Variants in FBXW7 observed in about 807,000 individuals in gnomAD.
FBXW7 encodes F-box/WD repeat-containing protein 7.
A neutral mutation model predicts 86.3 loss-of-function variants in FBXW7; 11 were observed. That is an observed-to-expected ratio of 0.13 (90% CI 0.08 to 0.21). The LOEUF (loss-of-function observed/expected upper bound fraction) is 0.21, where lower values mean the gene tolerates loss of function less well. FBXW7 is among the 10% of genes least tolerant of loss of function. The pLI, the probability that FBXW7 is intolerant of heterozygous loss-of-function variation, is 1.00. For missense variants in FBXW7, 488 were observed against 847.4 expected (o/e 0.58, Z 5.27); for synonymous variants, 313 against 297.9 (o/e 1.05, Z -0.52).
chr4:152,475,433 T>G (rs1398181187), intron 2 of FBXW7, among the ~76,000 whole-genome samples: 1 of 151,900 alleles, frequency 6.6e-6, no homozygotes, highest in African/African-American at 2.4e-5. Context: ...TCTCTAAACA[T>G]AACACTAATA....
chr4:152,410,119 C>T (rs746343688), intron 4 of FBXW7, among the ~76,000 whole-genome samples: 23 of 152,134 alleles, frequency 1.5e-4, no homozygotes, highest in Non-Finnish European at 2.9e-4. Context: ...TCAGCAATAA[C>T]TCTGCATTGT....
chr4:152,374,194 C>A (rs966459894), intron 4 of FBXW7, among the ~76,000 whole-genome samples: 1 of 151,906 alleles, frequency 6.6e-6, no homozygotes, highest in East Asian at 1.9e-4. Flanking sequence ...AAAACAGGTA[C>A]CCTATTAAAT....
chr4:152,535,829 C>G lies in FBXW7; in HGVS notation c.-915G>C. 1 of 392,478 alleles carries G rather than the reference C, an allele frequency of 2.5e-6. No individual in the cohort carries two copies. Among genetic ancestry groups the G allele is most frequent in the East Asian group, 3.6e-5 (1 of 27,540 alleles). The allele number at this position is 392,478 out of a possible 1,614,324, so 24.3% of individuals were successfully genotyped here. A position where few individuals can be genotyped will look rare whatever the true frequency, so the allele number is the denominator to read the frequency against. On this transcript the variant is annotated 5_prime_UTR_variant, in exon 1 of 14. Transcript: ENST00000281708. Reference sequence around the variant, plus strand: ...CCGGCTCCGGCTCAGGCTCGGGCTCCGGCTCTGGCTCCGGCTCCGGCGTGT... The same window carrying G: ...CCGGCTCCGGCTCAGGCTCGGGCTCGGGCTCTGGCTCCGGCTCCGGCGTGT...
intron 2 of FBXW7, among the ~76,000 whole-genome samples, chr4:152,458,097 G>T (rs983482414): frequency 3.9e-5 from 6 of 152,114 alleles, no homozygotes; most frequent in African/African-American, 1.4e-4. Context: ...TCAGCTCACT[G>T]CAACCTCTGC....
chr4:152,493,292 G>A (rs1168076375), intron 2 of FBXW7, among the ~76,000 whole-genome samples: 1 of 151,892 alleles, frequency 6.6e-6, no homozygotes, highest in African/African-American at 2.4e-5. Context: ...AGCCTCCCGA[G>A]TAGCTGCGAT....
At chr4:152,513,179 G>A (rs1057343715) in intron 2 of FBXW7, among the ~76,000 whole-genome samples, 3 of 152,086 alleles carry the variant, frequency 2.0e-5, no homozygotes, top group South Asian at 2.1e-4. Context: ...ATTTAATAGC[G>A]TGAATTTTCT....
intron 2 of FBXW7, among the ~76,000 whole-genome samples, chr4:152,530,068 A>T (rs866742478): frequency 2.7e-5 from 3 of 112,766 alleles, no homozygotes; most frequent in Non-Finnish European, 5.5e-5. Context: ...AAAAAAAAAA[A>T]ATACACACAC....
chr4:152,387,059 C>CA (rs1735587003), intron 4 of FBXW7, among the ~76,000 whole-genome samples: 1 of 152,154 alleles, frequency 6.6e-6, no homozygotes, highest in South Asian at 2.1e-4. Flanking sequence ...AAAGATTTTC[C>CA]ATTTTTCATA....
At chr4:152,352,636 G>A (rs779876264) in intron 4 of FBXW7, 9 of 1,613,644 alleles carry the variant, frequency 5.6e-6, no homozygotes, top group Admixed American at 1.7e-5. Flanking sequence ...GCTCAGGCAC[G>A]TCAGAAAAGG....
chr4:152,352,446 A>C, intron 4 of FBXW7: 4 of 1,613,578 alleles, frequency 2.5e-6, no homozygotes, highest in Non-Finnish European at 3.4e-6. Flanking sequence ...ATCACATAGC[A>C]TAGGAAGAAA....
intron 2 of FBXW7, among the ~76,000 whole-genome samples, chr4:152,459,308 T>C (rs1425807836): frequency 1.3e-5 from 2 of 152,222 alleles, no homozygotes; most frequent in Non-Finnish European, 2.9e-5. Flanking sequence ...GCTAATTCAA[T>C]AAAACAGAGT....
chr4:152,461,190 T>C (rs1323464263), intron 2 of FBXW7, among the ~76,000 whole-genome samples: 3 of 151,864 alleles, frequency 2.0e-5, no homozygotes, highest in African/African-American at 4.8e-5. Context: ...GAGGCGGAGG[T>C]TGTGGTGAGC....
At chr4:152,429,221 AC>A (rs1258942471) in intron 2 of FBXW7, among the ~76,000 whole-genome samples, 1 of 152,182 alleles carries the variant, frequency 6.6e-6, no homozygotes, top group East Asian at 1.9e-4. Context: ...GAAAGCAAGA[AC>A]AATCAAACTG....
At chr4:152,501,410 A>G (rs1024426071) in intron 2 of FBXW7, among the ~76,000 whole-genome samples, 7 of 152,228 alleles carry the variant, frequency 4.6e-5, no homozygotes, top group African/African-American at 1.4e-4. Context: ...CAGCAATAAC[A>G]TTCATTTACT....
intron 4 of FBXW7, among the ~76,000 whole-genome samples, chr4:152,362,849 A>AAC (rs1733114882): frequency 6.7e-6 from 1 of 150,358 alleles, no homozygotes; most frequent in Non-Finnish European, 1.5e-5. Flanking sequence ...AAAAAAAAAA[A>AAC]CAACAAGAAC....
chr4:152,425,002 G>A (rs551222964), intron 2 of FBXW7, among the ~76,000 whole-genome samples: 2 of 152,292 alleles, frequency 1.3e-5, no homozygotes, highest in East Asian at 1.9e-4. Flanking sequence ...TGGTAAATCT[G>A]AAATAGGACC....
At chr4:152,334,762 A>T (rs976311605) in intron 7 of FBXW7, among the ~76,000 whole-genome samples, 1 of 152,216 alleles carries the variant, frequency 6.6e-6, no homozygotes, top group East Asian at 1.9e-4. Context: ...AGAAAGTTGA[A>T]GTGCTAACTC....
At chr4:152,491,107 A>G (rs774624384) in intron 2 of FBXW7, among the ~76,000 whole-genome samples, 10 of 152,188 alleles carry the variant, frequency 6.6e-5, no homozygotes, top group Non-Finnish European at 1.5e-4. Context: ...CTTTCCGGAT[A>G]TAGTTCCAGA....
chr4:152,395,101 T>C (rs1736306101), intron 4 of FBXW7, among the ~76,000 whole-genome samples: 1 of 152,010 alleles, frequency 6.6e-6, no homozygotes, highest in Non-Finnish European at 1.5e-5. Flanking sequence ...CAGTACATCG[T>C]CAATTTTATC....
Sources: gnomAD v4.1 joint callset for allele counts (sites outside exome capture counted in the v4.1 genomes callset) on GRCh38, gnomAD v4.1.1 for gene constraint, MANE v1.5 for transcripts, NCBI Gene and HGNC (gene_info 2026-07-23, HGNC 2026-07-21) for gene names.